The following CDH18 variants were observed in gnomAD, a reference collection of about 807,000 sequenced individuals.
CDH18 encodes the protein cadherin-18.
A neutral mutation model predicts 67.9 loss-of-function variants in CDH18; 31 were observed. The observed-to-expected ratio is 0.46, with a 90% confidence interval of 0.34 to 0.62. The LOEUF (loss-of-function observed/expected upper bound fraction) is 0.62. Among genes scored for constraint, CDH18 ranks in the 20% least tolerant of loss-of-function variants. The probability of loss-of-function intolerance (pLI) is 0.01; values close to 1 mark genes in which losing one functional copy is unlikely to be tolerated. For missense variants in CDH18, 890 were observed against 975.5 expected (o/e 0.91, Z 1.17); for synonymous variants, 362 against 347.2 (o/e 1.04, Z -0.48).
chr5:19,666,666 T>C (rs1161359232), intron 5 of CDH18, among the ~76,000 whole-genome samples: 1 of 152,080 alleles, frequency 6.6e-6, no homozygotes, highest in African/African-American at 2.4e-5. Context: ...CAAATATCAA[T>C]TTCACTCAGC....
intron 4 of CDH18, among the ~76,000 whole-genome samples, chr5:19,742,722 T>C (rs745430038): frequency 6.6e-6 from 1 of 151,380 alleles, no homozygotes; most frequent in Non-Finnish European, 1.5e-5. Flanking sequence ...TCTCAGCACA[T>C]AAAGTGCATT....
At chr5:20,019,349 T>G (rs1197934755) in intron 2 of CDH18, among the ~76,000 whole-genome samples, 1 of 152,208 alleles carries the variant, frequency 6.6e-6, no homozygotes, top group Non-Finnish European at 1.5e-5. Context: ...TGATATATGG[T>G]AACACAGAGT....
intron 12 of CDH18, among the ~76,000 whole-genome samples, chr5:19,475,260 T>C (rs936066465): frequency 5.3e-5 from 8 of 149,848 alleles, no homozygotes; most frequent in African/African-American, 1.2e-4. Context: ...TATAAACCCA[T>C]TTGAAGTTGA....
intron 2 of CDH18, among the ~76,000 whole-genome samples, chr5:20,111,512 TC>T (rs1747455546): frequency 9.3e-6 from 1 of 108,080 alleles, no homozygotes; most frequent in African/African-American, 3.8e-5. Flanking sequence ...CTTCCTTCCC[TC>T]CCTCCCTCCC....
intron 2 of CDH18, among the ~76,000 whole-genome samples, chr5:20,178,237 C>A (rs1193092626): frequency 1.3e-5 from 2 of 152,072 alleles, no homozygotes; most frequent in African/African-American, 4.8e-5. Context: ...ACCATCAGAT[C>A]TCCTGGGTCT....
At chr5:20,150,314 C>T (rs755824037) in intron 2 of CDH18, among the ~76,000 whole-genome samples, 1 of 151,902 alleles carries the variant, frequency 6.6e-6, no homozygotes, top group African/African-American at 2.4e-5. Flanking sequence ...TTACAGGATA[C>T]TAGAGCAAAT....
chr5:19,733,161 A>G (rs1351513337), intron 4 of CDH18, among the ~76,000 whole-genome samples: 1 of 152,178 alleles, frequency 6.6e-6, no homozygotes, highest in Non-Finnish European at 1.5e-5. Flanking sequence ...TCTTCAAGCC[A>G]AAGACAGTTC....
chr5:20,181,521 C>T lies in CDH18; in HGVS notation c.-518+73923G>A, dbSNP rs568752552. On this transcript the variant is annotated intron_variant, in intron 2 of 14. Coordinates refer to the CDH18 transcript ENST00000507958. ...AGTGAGCCCTGGTAATACCTCAAGG[C>T]CCAAAATAATTTCCCAGATGATCCC... 5.4e-4 allele frequency among the ~76,000 whole-genome samples: 82 copies of T among 152,110 alleles called. 1 individual carries two copies. Among genetic ancestry groups the T allele is most frequent in the African/African-American group, 1.9e-3 (78 of 41,520 alleles).
intron 5 of CDH18, among the ~76,000 whole-genome samples, chr5:19,661,783 A>G (rs1757217374): frequency 1.3e-5 from 2 of 152,092 alleles, no homozygotes; most frequent in Non-Finnish European, 2.9e-5. Flanking sequence ...TGACCCATAT[A>G]CACTCAAGCT....
chr5:20,484,167 A>C (rs1753009868), intron 1 of CDH18, among the ~76,000 whole-genome samples: 1 of 152,108 alleles, frequency 6.6e-6, no homozygotes. Context: ...TCCAGCAGAT[A>C]TATAAAAAGG....
At chr5:19,898,725 T>C (rs768738152) in intron 2 of CDH18, among the ~76,000 whole-genome samples, 2 of 152,064 alleles carry the variant, frequency 1.3e-5, no homozygotes, top group Non-Finnish European at 2.9e-5. Flanking sequence ...AGGGGAAATG[T>C]TTCATGACAT....
intron 2 of CDH18, among the ~76,000 whole-genome samples, chr5:19,844,804 A>G (rs894374633): frequency 2.6e-5 from 4 of 152,180 alleles, no homozygotes; most frequent in South Asian, 2.1e-4. Flanking sequence ...ATGTTGTTCT[A>G]GTGGCAAGTA....
At chr5:20,249,658 C>T (rs1016759463) in intron 2 of CDH18, among the ~76,000 whole-genome samples, 6 of 152,126 alleles carry the variant, frequency 3.9e-5, no homozygotes, top group Admixed American at 3.9e-4. Flanking sequence ...GCGTTAGCCA[C>T]CGCGCCCGGC....
At chr5:20,087,501 G>C (rs1237573172) in intron 2 of CDH18, among the ~76,000 whole-genome samples, 1 of 150,658 alleles carries the variant, frequency 6.6e-6, no homozygotes, top group Non-Finnish European at 1.5e-5. Context: ...AACAAAGTCA[G>C]CAAATGTCAT....
chr5:20,311,553 C>T (rs964216920), intron 1 of CDH18, among the ~76,000 whole-genome samples: 12 of 152,040 alleles, frequency 7.9e-5, no homozygotes, highest in South Asian at 2.1e-4. Context: ...GAACAGAAAA[C>T]GAAAAACCAC....
intron 1 of CDH18, among the ~76,000 whole-genome samples, chr5:20,340,830 C>T (rs147730600): frequency 6.6e-6 from 1 of 152,274 alleles, no homozygotes; most frequent in East Asian, 1.9e-4. Flanking sequence ...TTTAATCCGA[C>T]GTTTTCCTCA....
At chr5:20,303,909 C>A (rs750922684) in intron 1 of CDH18, 19 of 626,696 alleles carry the variant, frequency 3.0e-5, no homozygotes, top group Non-Finnish European at 5.5e-5. Flanking sequence ...TTTTATTGGC[C>A]ACATTAATCT....
intron 1 of CDH18, among the ~76,000 whole-genome samples, chr5:20,569,300 C>T (rs376862553): frequency 2.6e-4 from 39 of 152,222 alleles, no homozygotes; most frequent in East Asian, 1.2e-3. Context: ...GCTTGTACTA[C>T]GAGCCAATAT....
At chr5:20,143,515 G>A (rs1214512010) in intron 2 of CDH18, among the ~76,000 whole-genome samples, 1 of 152,034 alleles carries the variant, frequency 6.6e-6, no homozygotes, top group East Asian at 1.9e-4. Flanking sequence ...CTATACGCAT[G>A]CACCGCTATG....
Sources: allele counts gnomAD v4.1 joint callset (sites outside exome capture counted in the v4.1 genomes callset), GRCh38; gene constraint gnomAD v4.1.1; transcripts MANE v1.5; gene names NCBI Gene and HGNC (gene_info 2026-07-23, HGNC 2026-07-21).